The following GRB14 variants were observed in gnomAD, a reference collection of about 807,000 sequenced individuals.
GRB14 encodes the protein growth factor receptor bound protein 14, also known as growth factor receptor-bound protein 14.
Under a neutral mutation model 69.1 loss-of-function variants are expected in GRB14, and 38 were observed. The observed-to-expected ratio is 0.55, with a 90% CI of 0.42 to 0.72. GRB14 has a LOEUF of 0.72. Ranked by LOEUF, GRB14 falls within the 30% of genes least tolerant of loss-of-function variation. GRB14 has a pLI of 0.00. For synonymous variants in GRB14, 247 were observed against 241.3 expected, an observed-to-expected ratio of 1.02 and a Z score of -0.22; for missense variants, 666 against 666.1, an observed-to-expected ratio of 1.00 and a Z score of 0.00.
At chr2:164,592,865 C>T (rs2105346981) in intron 2 of GRB14, among the ~76,000 whole-genome samples, 1 of 152,246 alleles carries the variant, frequency 6.6e-6, no homozygotes, top group East Asian at 1.9e-4. Context: ...CTCTGCTTTT[C>T]TCAAAGCATT....
chr2:164,541,299 ACT>A (rs932569655), intron 3 of GRB14, among the ~76,000 whole-genome samples: 8 of 151,902 alleles, frequency 5.3e-5, no homozygotes, highest in Admixed American at 4.6e-4. Flanking sequence ...TGAAACCCTG[ACT>A]CTAGTTTAAA....
intron 7 of GRB14, 51 bp from the exon 8 acceptor site, chr2:164,508,601 C>T (rs748010252): frequency 1.3e-6 from 2 of 1,537,286 alleles, no homozygotes; most frequent in Admixed American, 3.4e-5. Flanking sequence ...TTGAAGGTAA[C>T]ACCTGTTGAA....
At chr2:164,584,621 T>C (rs1689491162) in intron 2 of GRB14, among the ~76,000 whole-genome samples, 1 of 152,050 alleles carries the variant, frequency 6.6e-6, no homozygotes, top group Non-Finnish European at 1.5e-5. Context: ...ACTTAAGTAC[T>C]GTTCTCCTAA....
chr2:164,620,772 T>C (rs530378801), intron 1 of GRB14, among the ~76,000 whole-genome samples: 1 of 152,180 alleles, frequency 6.6e-6, no homozygotes, highest in Non-Finnish European at 1.5e-5. Flanking sequence ...TATGCTACGA[T>C]TTTTTTAAAA....
chr2:164,547,233 C>T (rs1363777806), intron 3 of GRB14, among the ~76,000 whole-genome samples: 1 of 152,174 alleles, frequency 6.6e-6, no homozygotes. Context: ...GTGACCCCAG[C>T]AAGACAGCGA....
At chr2:164,524,102 T>C (rs1413989308) in intron 5 of GRB14, among the ~76,000 whole-genome samples, 3 of 152,040 alleles carry the variant, frequency 2.0e-5, no homozygotes, top group African/African-American at 4.8e-5. Flanking sequence ...ATATAACCTA[T>C]TAAAAAGCCC....
At chr2:164,563,398 G>A (rs1559052721) in intron 2 of GRB14, among the ~76,000 whole-genome samples, 1 of 152,190 alleles carries the variant, frequency 6.6e-6, no homozygotes, top group Non-Finnish European at 1.5e-5. Context: ...AGGGCAGTGT[G>A]CTACACTCCA....
chr2:164,506,573 C>T (rs1348088282), intron 8 of GRB14, among the ~76,000 whole-genome samples: 1 of 152,126 alleles, frequency 6.6e-6, no homozygotes, highest in South Asian at 2.1e-4. Context: ...ATTAAATGTA[C>T]AATTACCATA....
At chr2:164,620,663 T>C (rs1690434750) in intron 1 of GRB14, among the ~76,000 whole-genome samples, 1 of 152,204 alleles carries the variant, frequency 6.6e-6, no homozygotes. Context: ...CTTTAAAGCC[T>C]CTATTCTTTC....
intron 12 of GRB14, among the ~76,000 whole-genome samples, chr2:164,496,352 T>C (rs1190809598): frequency 6.6e-6 from 1 of 152,194 alleles, no homozygotes; most frequent in Non-Finnish European, 1.5e-5. Flanking sequence ...AAACACTGAG[T>C]AATTTGAGAA....
chr2:164,493,459 A>AAT (rs886993576), intron 13 of GRB14, among the ~76,000 whole-genome samples: 4 of 152,188 alleles, frequency 2.6e-5, no homozygotes, highest in African/African-American at 9.7e-5. Flanking sequence ...ATTTTGAATC[A>AAT]ATGAAAGAAA....
At chr2:164,525,928 C>T (rs2105287324) in intron 4 of GRB14, among the ~76,000 whole-genome samples, 1 of 152,116 alleles carries the variant, frequency 6.6e-6, no homozygotes, top group East Asian at 1.9e-4. Flanking sequence ...GTCCAATCAC[C>T]TCCCAGTTAA....
chr2:164,572,062 T>C (rs1186300077), intron 2 of GRB14, among the ~76,000 whole-genome samples: 1 of 152,210 alleles, frequency 6.6e-6, no homozygotes, highest in Non-Finnish European at 1.5e-5. Flanking sequence ...AATCAACTCA[T>C]GACTCCTCTT....
intron 13 of GRB14, among the ~76,000 whole-genome samples, chr2:164,493,840 C>T (rs762858462): frequency 6.6e-6 from 1 of 152,100 alleles, no homozygotes; most frequent in Non-Finnish European, 1.5e-5. Flanking sequence ...AATCTTCACT[C>T]CCCACCATTC....
chr2:164,600,848 G>C (rs1689897497), intron 2 of GRB14, among the ~76,000 whole-genome samples: 2 of 151,854 alleles, frequency 1.3e-5, no homozygotes, highest in South Asian at 4.2e-4. Flanking sequence ...AGTATTCTCT[G>C]CACTGATATT....
intron 12 of GRB14, among the ~76,000 whole-genome samples, chr2:164,495,780 C>A (rs968679015): frequency 1.3e-5 from 2 of 152,186 alleles, no homozygotes; most frequent in East Asian, 1.9e-4. Flanking sequence ...AGCTGTAATT[C>A]TTTTCCCATT....
intron 9 of GRB14, among the ~76,000 whole-genome samples, chr2:164,500,714 C>G (rs1379145222): frequency 6.6e-6 from 1 of 152,086 alleles, no homozygotes; most frequent in Non-Finnish European, 1.5e-5. Context: ...CACACAGGCA[C>G]CTGCATCCTC....
chr2:164,571,878 C>T (rs972605775), intron 2 of GRB14, among the ~76,000 whole-genome samples: 2 of 152,188 alleles, frequency 1.3e-5, no homozygotes, highest in African/African-American at 4.8e-5. Context: ...CATGTGTTTC[C>T]ACATTTTATT....
At chr2:164,548,859 T>C (rs563105716) in intron 2 of GRB14, among the ~76,000 whole-genome samples, 67 of 152,156 alleles carry the variant, frequency 4.4e-4, no homozygotes, top group Admixed American at 7.9e-4. Context: ...TTTATGTCTA[T>C]TCAGGCCCTT....
Sources: allele counts gnomAD v4.1 joint callset (sites outside exome capture counted in the v4.1 genomes callset), GRCh38; gene constraint gnomAD v4.1.1; transcripts MANE v1.5; gene names NCBI Gene and HGNC (gene_info 2026-07-23, HGNC 2026-07-21).